Variants in EPAS1 observed in about 807,000 individuals in gnomAD.
EPAS1 encodes the protein endothelial PAS domain-containing protein 1.
Under a neutral mutation model 87.9 loss-of-function variants are expected in EPAS1, and 23 were observed. The observed-to-expected ratio is 0.26, with a 90% confidence interval of 0.19 to 0.37. The LOEUF (loss-of-function observed/expected upper bound fraction) is 0.37, where lower values mean the gene tolerates loss of function less well. Among genes scored for constraint, EPAS1 ranks in the 10% least tolerant of loss-of-function variants. EPAS1 has a pLI of 1.00. For synonymous variants in EPAS1, 508 were observed against 444.3 expected, an observed-to-expected ratio of 1.14 and a Z score of -1.80; for missense variants, 1,138 against 1,120.7, an observed-to-expected ratio of 1.02 and a Z score of -0.22.
At chr2:46,348,491 T>C (rs1178404584) in intron 2 of EPAS1, among the ~76,000 whole-genome samples, 2 of 152,008 alleles carry the variant, frequency 1.3e-5, no homozygotes, top group Non-Finnish European at 2.9e-5. Flanking sequence ...ATAAAAAGAG[T>C]AGACAGTGGA....
At chr2:46,328,618 A>C (rs1041819841) in intron 1 of EPAS1, among the ~76,000 whole-genome samples, 1 of 152,238 alleles carries the variant, frequency 6.6e-6, no homozygotes. Context: ...AGAACCCAGA[A>C]GTCCTAGTTA....
intron 1 of EPAS1, among the ~76,000 whole-genome samples, chr2:46,301,304 G>A (rs1055087716): frequency 2.0e-5 from 3 of 152,124 alleles, no homozygotes; most frequent in Admixed American, 1.3e-4. Context: ...GGCTGGTCGC[G>A]GTGGCTCATG....
At chr2:46,370,222 A>T (rs1233774106) in intron 7 of EPAS1, among the ~76,000 whole-genome samples, 3 of 151,980 alleles carry the variant, frequency 2.0e-5, no homozygotes, top group Non-Finnish European at 4.4e-5. Flanking sequence ...CCCCCATACC[A>T]CCTCCACGGA....
intron 6 of EPAS1, among the ~76,000 whole-genome samples, chr2:46,366,841 C>T (rs1467210103): frequency 6.6e-6 from 1 of 152,234 alleles, no homozygotes; most frequent in African/African-American, 2.4e-5. Flanking sequence ...CCCTTGTGTG[C>T]CGTAGGAGCG....
chr2:46,332,467 T>TA (rs1370489173), intron 1 of EPAS1, among the ~76,000 whole-genome samples: 1 of 152,104 alleles, frequency 6.6e-6, no homozygotes, highest in African/African-American at 2.4e-5. Context: ...GCTAGCCAGA[T>TA]AAGAGGGGCA....
chr2:46,298,126 G>T (rs1682924036), intron 1 of EPAS1, among the ~76,000 whole-genome samples, 189 bp downstream of exon 1: 1 of 152,172 alleles, frequency 6.6e-6, no homozygotes, highest in Non-Finnish European at 1.5e-5. Flanking sequence ...GCTTTGCAGT[G>T]GAGACTTCTG....
chr2:46,306,359 G>A (rs760001618), intron 1 of EPAS1, among the ~76,000 whole-genome samples: 9 of 152,178 alleles, frequency 5.9e-5, no homozygotes, highest in Non-Finnish European at 8.8e-5. Flanking sequence ...GGAAATGGAG[G>A]TGCTGAGAGA....
Position 46,382,088 on chromosome 2 carries a change from T to C in EPAS1, c.2286T>C (p.Asn762=). ...PDKPLSANVP[N]DKFTQNPMRG... is the part of the protein sequence containing the mutation. ...AGCCACTGAGCGCAAATGTACCCAA[T>C]GGTGAGCAGCGGCCACAGGCCTGGG... Residue 762 remains asparagine (N), a splice_region_variant and synonymous_variant, in exon 14 of 16, where the codon AAT becomes AAC. Coordinates refer to ENST00000263734, the MANE Select transcript of EPAS1 (RefSeq NM_001430.5). The C allele has an allele frequency of 1.2e-6, 2 of 1,613,668 alleles. No individual in the cohort carries two copies. Among genetic ancestry groups the C allele is most frequent in the Non-Finnish European group, 1.7e-6 (2 of 1,179,900 alleles).
intron 1 of EPAS1, chr2:46,335,602 C>T (rs530367703): frequency 6.6e-6 from 1 of 152,186 alleles, no homozygotes; most frequent in East Asian, 1.9e-4. Context: ...GTGGAGCAAT[C>T]TTTTGGGTAA....
Position 46,347,163 on chromosome 2 carries a change from C to T in EPAS1, c.217+100C>T. 1.5e-6 allele frequency: 2 copies of T among 1,354,874 alleles called. No individual in the cohort carries two copies. The highest frequency in any genetic ancestry group is 2.1e-6 in the Non-Finnish European group (2 of 949,374). 83.9% of individuals were successfully genotyped at this position (1,354,874 alleles called of 1,614,324 possible). On this transcript the variant is annotated intron_variant, in intron 2 of 15. Coordinates refer to ENST00000263734, the MANE Select transcript of EPAS1 (RefSeq NM_001430.5). This position sits in a 1 kb window ranked among gnomAD's most constrained non-coding sequence, Gnocchi z 4.2. ...CTGCTGCCAGAGCTGGAAAGTCACC[C>T]CACTACAGAACTTTCACCCACAGAA...
rs748828096 is a variant in EPAS1 at position 46,356,137 on chromosome 2, C to G, written c.218-14C>G. The G allele has an allele frequency of 1.9e-5, 25 of 1,288,934 alleles. No individual in the cohort carries two copies. In the Middle Eastern group the frequency reaches 6.1e-4, roughly 32 times the overall value. 79.8% of individuals were successfully genotyped at this position (1,288,934 alleles called of 1,614,324 possible). On this transcript the variant is annotated splice_polypyrimidine_tract_variant and intron_variant, in intron 2 of 15. Coordinates refer to ENST00000263734, the MANE Select transcript of EPAS1 (RefSeq NM_001430.5). ...CACATTCATGCAAGCTGTCCCACCC[C>G]CCCCCCTTTCCAGTTTGCTCTGAAA...
chr2:46,316,520 C>G (rs1683319767), intron 1 of EPAS1, among the ~76,000 whole-genome samples: 1 of 152,192 alleles, frequency 6.6e-6, no homozygotes, highest in Non-Finnish European at 1.5e-5. Flanking sequence ...CTCAGCCTCC[C>G]AAAGTGTTGG....
In EPAS1 at chr2:46,382,467, T is replaced by G. The variant is rs1292120365; in HGVS notation, c.2330T>G (p.Leu777Arg). Residue 777 changes from leucine to arginine, a missense_variant, in exon 15 of 16, where the codon CTG becomes CGG. Around this residue, in one of 4 missense-constraint regions of EPAS1, gnomAD observed 502 missense variants for 427.1 expected, o/e 1.18. Coordinates refer to ENST00000263734, the MANE Select transcript of EPAS1 (RefSeq NM_001430.5). ...QNPMRGLGHP[L>R]RHLPLPQPPS... ...CCCATGAGGGGCCTGGGCCATCCCC[T>G]GAGACATCTGCCGCTGCCACAGCCT... The G allele has an allele frequency of 1.2e-6, 2 of 1,614,004 alleles. No homozygotes were observed. The highest frequency in any genetic ancestry group is 3.3e-5 in the Admixed American group (2 of 60,016).
At chr2:46,299,945 C>A (rs1682963946) in intron 1 of EPAS1, among the ~76,000 whole-genome samples, 1 of 152,210 alleles carries the variant, frequency 6.6e-6, no homozygotes, top group Admixed American at 6.5e-5. Context: ...CCTTGGAGGC[C>A]GCTGTGTGAG....
At chr2:46,353,206 G>T (rs1176524737) in intron 2 of EPAS1, among the ~76,000 whole-genome samples, 1 of 152,206 alleles carries the variant, frequency 6.6e-6, no homozygotes, top group Admixed American at 6.5e-5. Flanking sequence ...TCCAAAATAA[G>T]TCACCACCTG....
chr2:46,335,801 G>C (rs769094965), intron 1 of EPAS1: 1 of 151,774 alleles, frequency 6.6e-6, no homozygotes, highest in Non-Finnish European at 1.5e-5. Flanking sequence ...CCTTTCTGCC[G>C]GCGGGCTTGA....
At chr2:46,376,885 C>A in intron 9 of EPAS1, 132 bp downstream of exon 9, 1 of 929,246 alleles carries the variant, frequency 1.1e-6, no homozygotes, top group Non-Finnish European at 1.7e-6. Context: ...TCTTGTTAAT[C>A]ACCTGTTAGA....
At chr2:46,323,389 T>C (rs1683490250) in intron 1 of EPAS1, among the ~76,000 whole-genome samples, 1 of 152,248 alleles carries the variant, frequency 6.6e-6, no homozygotes, top group Non-Finnish European at 1.5e-5. Context: ...TGATGAGGTC[T>C]TTTAACAAAT....
chr2:46,306,992 G>C (rs891004749), intron 1 of EPAS1, among the ~76,000 whole-genome samples: 1 of 152,202 alleles, frequency 6.6e-6, no homozygotes, highest in African/African-American at 2.4e-5. Context: ...ATGGGAGCTA[G>C]AAGCATATAA....
Sources: allele counts gnomAD v4.1 joint callset (sites outside exome capture counted in the v4.1 genomes callset), GRCh38; gene constraint gnomAD v4.1.1; regional missense constraint gnomAD v4.1.1; non-coding constraint Gnocchi (gnomAD v3.1); transcripts MANE v1.5; gene names NCBI Gene and HGNC (gene_info 2026-07-23, HGNC 2026-07-21).